The following ANKRD30A variants were observed in gnomAD, a reference collection of about 807,000 sequenced individuals.
The protein encoded by ANKRD30A is ankyrin repeat domain-containing protein 30A.
Under a neutral mutation model 166.3 loss-of-function variants are expected in ANKRD30A, and 170 were observed. The ratio of observed to expected loss-of-function variants is 1.02; its 90% CI spans 0.90 to 1.16. ANKRD30A has a LOEUF of 1.16. ANKRD30A is among the 50% of genes most tolerant of loss of function. The pLI, the probability that ANKRD30A is intolerant of heterozygous loss-of-function variation, is 0.00. For synonymous variants in ANKRD30A, 564 were observed against 508.9 expected (o/e 1.11, Z -1.46); for missense variants, 1,630 against 1,518.0 (o/e 1.07, Z -1.23).
At chr10:37,146,919 C>T (rs879857762) in intron 8 of ANKRD30A, among the ~76,000 whole-genome samples, 3 of 152,158 alleles carry the variant, frequency 2.0e-5, no homozygotes, top group African/African-American at 2.4e-5. Flanking sequence ...GCAAACTTCT[C>T]GGCCTTCCAA....
At chr10:37,131,822 G>A (rs1373308309) in intron 3 of ANKRD30A, among the ~76,000 whole-genome samples, 1 of 152,016 alleles carries the variant, frequency 6.6e-6, no homozygotes, top group Non-Finnish European at 1.5e-5. Context: ...AATATGTTGG[G>A]GTACAGTGCT....
chr10:37,199,107 G>T (rs989353461), intron 29 of ANKRD30A, among the ~76,000 whole-genome samples: 1 of 152,044 alleles, frequency 6.6e-6, no homozygotes, highest in Admixed American at 6.6e-5. Flanking sequence ...GAAGAAGTAT[G>T]TCATTGTAAT....
intron 34 of ANKRD30A, among the ~76,000 whole-genome samples, chr10:37,224,619 A>G (rs562085906): frequency 3.2e-4 from 48 of 151,598 alleles, no homozygotes; most frequent in Non-Finnish European, 6.1e-4. Context: ...TGAAGCCCCC[A>G]AGACGGCTGC....
chr10:37,197,678 C>G lies in ANKRD30A; in HGVS notation c.2716+198C>G, dbSNP rs531707038. On this transcript the variant is annotated intron_variant, in intron 29 of 35. Coordinates refer to ENST00000361713, the MANE Select transcript of ANKRD30A (RefSeq NM_052997.3). ...TCAATATTTTTTTTAAAAAATGTAG[C>G]CTTAATCTCAGATGTTTCTACTTTT... 2.2e-3 allele frequency among the ~76,000 whole-genome samples: 330 copies of G among 151,984 alleles called. 4 individuals carry two copies. In the South Asian group the frequency reaches 0.022, roughly 10 times the overall value.
At chr10:37,265,514 C>T in the ANKRD30A span, among the ~76,000 whole-genome samples, 1 of 152,202 alleles carries the variant, frequency 6.6e-6, no homozygotes, top group Non-Finnish European at 1.5e-5. Context: ...AGTCTTCCCA[C>T]TTCTAATCTG....
chr10:37,202,575 G>A (rs1030623242), intron 31 of ANKRD30A, among the ~76,000 whole-genome samples: 2 of 152,132 alleles, frequency 1.3e-5, no homozygotes, highest in African/African-American at 4.8e-5. Flanking sequence ...ACAATTAAAA[G>A]AACTAGAGAA....
chr10:37,165,190 A>G (rs1303178173), intron 18 of ANKRD30A, 35 bp downstream of exon 18: 22 of 1,540,498 alleles, frequency 1.4e-5, no homozygotes, highest in Middle Eastern at 1.7e-4. Context: ...AAATATTAGT[A>G]TTGCATGATA....
At chr10:37,183,789 A>G (rs1840203375) in intron 24 of ANKRD30A, among the ~76,000 whole-genome samples, 1 of 148,308 alleles carries the variant, frequency 6.7e-6, no homozygotes, top group Non-Finnish European at 1.5e-5. Context: ...TTTAAAGTAT[A>G]CCTAATATAA....
intron 17 of ANKRD30A, among the ~76,000 whole-genome samples, chr10:37,164,023 A>G (rs1839110403): frequency 6.9e-6 from 1 of 144,988 alleles, no homozygotes; most frequent in East Asian, 2.0e-4. Context: ...TCTAAAAATG[A>G]GTGAACATGG....
chr10:37,139,296 T>C (rs1836939846), intron 6 of ANKRD30A, among the ~76,000 whole-genome samples: 1 of 152,216 alleles, frequency 6.6e-6, no homozygotes, highest in African/African-American at 2.4e-5. Context: ...TCCGAGCTGA[T>C]TACAGACACC....
At position 37,219,454 on chromosome 10, in the gene ANKRD30A, G is replaced by A. The variant is rs1160982123; in HGVS notation, c.3742G>A (p.Val1248Met). The A allele has an allele frequency of 3.1e-6, 5 of 1,610,228 alleles. No homozygotes were observed. The highest frequency in any genetic ancestry group is 4.2e-6 in the Non-Finnish European group (5 of 1,177,628). Residue 1248 changes from valine (V) to methionine (M), a missense_variant, in exon 34 of 36, where the codon GTG becomes ATG. Physicochemically the swap from Val to Met is conservative, Grantham distance 21. Coordinates refer to ENST00000361713, the MANE Select transcript of ANKRD30A (RefSeq NM_052997.3). ...GAGTAGTACGATATATAACAATGAG[G>A]TGCTCCATCAACCACTTTCTGAAGC... ...DVSSTIYNNE[V>M]LHQPLSEAQR... is the part of the protein sequence containing the mutation.
chr10:37,259,714 A>G, the ANKRD30A span, among the ~76,000 whole-genome samples: 37 of 152,346 alleles, frequency 2.4e-4, no homozygotes, highest in African/African-American at 8.7e-4. Context: ...CTTACCAACA[A>G]TGTTAGACAA....
chr10:37,147,317 T>C, intron 8 of ANKRD30A, 53 bp from the exon 9 acceptor site: 1 of 1,361,994 alleles, frequency 7.3e-7, no homozygotes, highest in African/African-American at 1.5e-5. Flanking sequence ...ATTAGGAATT[T>C]TCATGCTTAT....
At chr10:37,164,396 A>G (rs1013999253) in intron 17 of ANKRD30A, among the ~76,000 whole-genome samples, 3 of 150,714 alleles carry the variant, frequency 2.0e-5, no homozygotes, top group Non-Finnish European at 3.0e-5. Context: ...AGGCAATTAT[A>G]TTTTCCTATA....
At chr10:37,134,468 G>C (rs1588750760) in intron 5 of ANKRD30A, among the ~76,000 whole-genome samples, 1 of 152,292 alleles carries the variant, frequency 6.6e-6, no homozygotes, top group East Asian at 1.9e-4. Context: ...TGATTCTGTT[G>C]TTGCATTGTT....
Position 37,129,927 on chromosome 10 carries a change from G to A in ANKRD30A, c.256G>A (p.Glu86Lys). Reference sequence around the variant, plus strand: ...ACACTGGGCCTGTGTCAATGGCCATGAGGAAGTAGTAACATTTCTGGTAGA... The same window carrying A: ...ACACTGGGCCTGTGTCAATGGCCATAAGGAAGTAGTAACATTTCTGGTAGA... ...ALHWACVNGH[E>K]EVVTFLVDRK... Residue 86 changes from glutamate to lysine, a missense_variant, in exon 2 of 36, where the codon GAG (glutamate) becomes AAG (lysine). Transcript: ENST00000361713. The A allele has an allele frequency of 6.4e-7, 1 of 1,572,050 alleles. No individual in the cohort carries two copies. Among genetic ancestry groups the A allele is most frequent in the Non-Finnish European group, 8.6e-7 (1 of 1,156,566 alleles).
In ANKRD30A at chr10:37,141,858, G is replaced by A; in HGVS notation, c.961G>A (p.Val321Met). Residue 321 changes from valine (V) to methionine (M), a missense_variant, in exon 7 of 36, where the codon GTG (valine) becomes ATG (methionine). This residue lies in a region of ANKRD30A where 904 missense variants were observed against 818.5 expected (regional missense o/e 1.10). Coordinates refer to ENST00000361713, the MANE Select transcript of ANKRD30A (RefSeq NM_052997.3). ...AACACCTGACACGGCTGAAAGCTTG[G>A]TGGAAAAAACACCTGATGAGGCTGC... Reference protein sequence around the residue: ...ERTPDTAESLVEKTPDEAASL... With the variant: ...ERTPDTAESLMEKTPDEAASL... 1 of 1,614,074 alleles carries A rather than the reference G, an allele frequency of 6.2e-7. No individual in the cohort carries two copies.
intron 31 of ANKRD30A, among the ~76,000 whole-genome samples, chr10:37,212,959 G>T (rs1842414633): frequency 6.6e-6 from 1 of 151,630 alleles, no homozygotes; most frequent in African/African-American, 2.4e-5. Context: ...GTATTTTTAA[G>T]TATCTGTAGA....
intron 6 of ANKRD30A, among the ~76,000 whole-genome samples, chr10:37,140,059 G>T (rs1378350540): frequency 6.6e-6 from 1 of 152,164 alleles, no homozygotes; most frequent in Non-Finnish European, 1.5e-5. Flanking sequence ...AATAAAGTGA[G>T]CTGGAGGAAA....
Sources: gnomAD v4.1 joint callset for allele counts (sites outside exome capture counted in the v4.1 genomes callset) on GRCh38, gnomAD v4.1.1 for gene constraint, gnomAD v4.1.1 regional missense constraint, MANE v1.5 for transcripts, NCBI Gene and HGNC (gene_info 2026-07-23, HGNC 2026-07-21) for gene names.